Variants in DAB2IP observed in about 807,000 individuals in gnomAD.
DAB2IP encodes DAB2 interacting protein.
Under a neutral mutation model 107.2 loss-of-function variants are expected in DAB2IP, and 28 were observed. That is an observed-to-expected ratio of 0.26 (90% confidence interval 0.19 to 0.36). The LOEUF (loss-of-function observed/expected upper bound fraction) is 0.36, where lower values mean the gene tolerates loss of function less well. Ranked by LOEUF, DAB2IP falls within the 10% of genes least tolerant of loss-of-function variation. The probability of loss-of-function intolerance (pLI) is 1.00; values close to 1 mark genes in which losing one functional copy is unlikely to be tolerated. For synonymous variants in DAB2IP, 755 were observed against 706.4 expected (o/e 1.07, Z -1.09); for missense variants, 1,400 against 1,644.7 (o/e 0.85, Z 2.57).
chr9:121,753,603 A>C (rs1373197492), intron 3 of DAB2IP, among the ~76,000 whole-genome samples: 1 of 152,178 alleles, frequency 6.6e-6, no homozygotes. Context: ...GGGCGGCTCA[A>C]GTAACTGCTC....
chr9:121,732,701 A>G (rs1161236448), intron 3 of DAB2IP, among the ~76,000 whole-genome samples: 1 of 152,236 alleles, frequency 6.6e-6, no homozygotes, highest in East Asian at 1.9e-4. Context: ...CCCGAGGGAC[A>G]GGCTGGGGCC....
In DAB2IP at chr9:121,726,716, G is replaced by A. The variant is rs537990929; in HGVS notation, c.362+27258G>A. Among the ~76,000 whole-genome samples the A allele has an allele frequency of 2.0e-5, 3 of 152,292 alleles. No individual in the cohort carries two copies. In the South Asian group the frequency reaches 6.2e-4, roughly 32 times the overall value. ...AACCCCTCCCGCCCCCACCACATCT[G>A]GTGTTGGAAGTATTCTGCTTTGTGA... is the stretch of plus-strand genomic sequence containing the variant. On this transcript the variant is annotated intron_variant, in intron 3 of 15. Transcript: ENST00000408936.
intron 1 of DAB2IP, among the ~76,000 whole-genome samples, chr9:121,667,941 G>C (rs764162920): frequency 6.0e-4 from 91 of 152,282 alleles, no homozygotes; most frequent in Non-Finnish European, 1.1e-3. Flanking sequence ...ATGGCGGGAG[G>C]TGAAAGGCAC....
rs779125425 is a variant in DAB2IP, at chr9:121,782,424, G to A, written c.3496G>A (p.Gly1166Ser). 10 of 1,613,954 alleles carry A rather than the reference G, an allele frequency of 6.2e-6. No homozygotes were observed. Among genetic ancestry groups the A allele is most frequent in the South Asian group, 1.1e-5 (1 of 91,082 alleles). Residue 1166 changes from glycine (G) to serine (S), a missense_variant, in exon 16 of 16, where the codon GGC becomes AGC. By Grantham distance (56) the Gly-to-Ser change is moderately conservative. Coordinates refer to ENST00000408936, the Ensembl canonical transcript of DAB2IP. The surrounding 1 kb of genome is among the most constrained non-coding windows in gnomAD (Gnocchi z 6.1). ...GAGGTACAGCATGCAAGCCCGTAAC[G>A]GCATCTCCCCCACCAACCCCACCAA...
intron 1 of DAB2IP, among the ~76,000 whole-genome samples, chr9:121,571,924 C>T (rs1197502566): frequency 2.6e-5 from 4 of 152,082 alleles, no homozygotes; most frequent in African/African-American, 7.3e-5. Flanking sequence ...AAACTCGGCA[C>T]TAACCCCTGC....
At chr9:121,574,439 A>C (rs1173577471) in intron 1 of DAB2IP, among the ~76,000 whole-genome samples, 1 of 152,154 alleles carries the variant, frequency 6.6e-6, no homozygotes, top group African/African-American at 2.4e-5. Flanking sequence ...GGGCCTCAGA[A>C]AAATGAAGGA....
intron 3 of DAB2IP, among the ~76,000 whole-genome samples, chr9:121,709,525 A>G (rs570238649): frequency 1.3e-5 from 2 of 152,344 alleles, no homozygotes; most frequent in East Asian, 3.9e-4. Flanking sequence ...ATTGAGTCAC[A>G]GAGAGACTGA....
Position 121,662,531 on chromosome 9 carries a change from C to A in DAB2IP, c.124+10632C>A, listed in dbSNP as rs866615790. ...TGTGTATTGTCTATAGCTGCTTTCA[C>A]GCTACAATGGCAGAGTTGAATAGCT... is the stretch of plus-strand genomic sequence containing the variant. On this transcript the variant is annotated intron_variant, in intron 1 of 15. Coordinates refer to ENST00000408936, the Ensembl canonical transcript of DAB2IP. The surrounding 1 kb of genome is among the most constrained non-coding windows in gnomAD (Gnocchi z 4.6). Among the ~76,000 whole-genome samples, 2 of 152,228 alleles carry A rather than the reference C, an allele frequency of 1.3e-5. No homozygotes were observed. Among genetic ancestry groups the A allele is most frequent in the Non-Finnish European group, 2.9e-5 (2 of 68,036 alleles).
intron 2 of DAB2IP, among the ~76,000 whole-genome samples, chr9:121,696,311 G>A (rs1829427234): frequency 1.3e-5 from 2 of 152,230 alleles, no homozygotes; most frequent in Non-Finnish European, 2.9e-5. Flanking sequence ...CCACTGGGCT[G>A]TCAGTGGGCT....
chr9:121,664,827 A>G (rs1833351884), intron 1 of DAB2IP, among the ~76,000 whole-genome samples: 1 of 152,240 alleles, frequency 6.6e-6, no homozygotes, highest in Non-Finnish European at 1.5e-5. Context: ...ATTGTAGAAC[A>G]TAAAATCATC....
At chr9:121,688,407 C>T (rs1230932333) in intron 2 of DAB2IP, among the ~76,000 whole-genome samples, 1 of 152,190 alleles carries the variant, frequency 6.6e-6, no homozygotes, top group Non-Finnish European at 1.5e-5. Flanking sequence ...TTGTTACTCC[C>T]CTGCTCCAGC....
At chr9:121,769,531 G>A (rs1009362354) in intron 10 of DAB2IP, among the ~76,000 whole-genome samples, 1 of 152,184 alleles carries the variant, frequency 6.6e-6, no homozygotes, top group Non-Finnish European at 1.5e-5. Flanking sequence ...TGACTGCATT[G>A]TATGAATGCT....
At chr9:121,688,813 A>G (rs113591959) in intron 2 of DAB2IP, among the ~76,000 whole-genome samples, 3 of 152,166 alleles carry the variant, frequency 2.0e-5, no homozygotes, top group African/African-American at 7.2e-5. Context: ...GAGTAAACGA[A>G]TTAAATGGAG....
rs754328116 is a variant in DAB2IP at position 121,772,872 on chromosome 9, G to A, written c.2344G>A (p.Val782Met). 5 of 1,582,676 alleles carry A rather than the reference G, an allele frequency of 3.2e-6. No homozygotes were observed. The East Asian group carries it at 1.1e-4, about 36-fold the overall frequency. The change falls in exon 12 of 16, where the codon GTG becomes ATG. Residue 782 changes from valine to methionine, a missense_variant. By Grantham distance (21) the Val-to-Met change is conservative. Transcript: ENST00000408936. The surrounding 1 kb of genome is among the most constrained non-coding windows in gnomAD (Gnocchi z 4.7). The stretch of plus-strand genomic sequence containing the variant: ...TGGGCAGGCCGCTGCAGCTCAGCTG[G>A]TGGCCGGGTGGCCGGCCCGGGCAAC...
At chr9:121,646,729 G>A (rs955735472), upstream of DAB2IP, among the ~76,000 whole-genome samples, 1 of 151,834 alleles carries the variant, frequency 6.6e-6, no homozygotes, top group Non-Finnish European at 1.5e-5. Context: ...GACTCCTGTC[G>A]CCCCTAGCCT....
rs1282809268 is a variant in DAB2IP at position 121,760,957 on chromosome 9, G to T, written c.1170+518G>T. Among the ~76,000 whole-genome samples, 2 of 152,186 alleles carry T rather than the reference G, an allele frequency of 1.3e-5. No homozygotes were observed. The highest frequency in any genetic ancestry group is 3.8e-4 in the East Asian group (2 of 5,202). On this transcript the variant is annotated intron_variant, in intron 6 of 15. Transcript: ENST00000408936. The surrounding 1 kb of genome is among the most constrained non-coding windows in gnomAD (Gnocchi z 5.9). ...CACACAGGTAGACACAGTCAAAATT[G>T]TACTATTCGAGGGTTAGCCAGCCCC...
rs565771390 is a variant in DAB2IP at position 121,736,445 on chromosome 9, G to A, written c.363-20568G>A. On this transcript the variant is annotated intron_variant, in intron 3 of 15. Transcript: ENST00000408936. The surrounding 1 kb of genome is among the most constrained non-coding windows in gnomAD (Gnocchi z 4.6). ...CCCGCCCGGCGTGCCGAAGCGCAGC[G>A]GCGGGTCGCTAGCGGGAAGTGGCTG... Among the ~76,000 whole-genome samples, 1 of 152,260 alleles carries A rather than the reference G, an allele frequency of 6.6e-6. No individual in the cohort carries two copies. The highest frequency in any genetic ancestry group is 2.4e-5 in the African/African-American group (1 of 41,560).
intron 4 of DAB2IP, among the ~76,000 whole-genome samples, chr9:121,758,413 C>A (rs1203076712): frequency 2.0e-5 from 3 of 152,214 alleles, no homozygotes; most frequent in Non-Finnish European, 2.9e-5. Flanking sequence ...GTCACTGCTG[C>A]TTGACGGAAG....
chr9:121,595,559 T>C (rs568955057), intron 1 of DAB2IP, among the ~76,000 whole-genome samples: 1 of 150,518 alleles, frequency 6.6e-6, no homozygotes, highest in South Asian at 2.1e-4. Context: ...GTTATCATTA[T>C]GCTACTGCAC....
Sources: allele counts gnomAD v4.1 joint callset (sites outside exome capture counted in the v4.1 genomes callset), GRCh38; gene constraint gnomAD v4.1.1; non-coding constraint Gnocchi (gnomAD v3.1); transcripts MANE v1.5; gene names NCBI Gene and HGNC (gene_info 2026-07-23, HGNC 2026-07-21).